NLGN1: variants seen among roughly 807,000 people sequenced by gnomAD.
NLGN1 encodes the protein neuroligin-1.
NLGN1 carries 12 observed loss-of-function variants against 65.5 expected under a neutral mutation model. The ratio of observed to expected loss-of-function variants is 0.18; its 90% CI spans 0.12 to 0.30. NLGN1 has a LOEUF of 0.30. Ranked by LOEUF, NLGN1 falls within the 10% of genes least tolerant of loss-of-function variation. NLGN1 has a pLI of 1.00. For missense variants in NLGN1, 750 were observed against 1,007.1 expected, an observed-to-expected ratio of 0.74 and a Z score of 3.46; for synonymous variants, 350 against 359.5, an observed-to-expected ratio of 0.97 and a Z score of 0.30.
At chr3:173,574,277 A>G (rs1160480147) in intron 2 of NLGN1, among the ~76,000 whole-genome samples, 2 of 151,912 alleles carry the variant, frequency 1.3e-5, no homozygotes, top group African/African-American at 4.8e-5. Context: ...GAATGCTGTC[A>G]ATAGAAATAC....
intron 4 of NLGN1, among the ~76,000 whole-genome samples, chr3:174,089,782 C>A (rs1020731716): frequency 6.6e-6 from 1 of 152,088 alleles, no homozygotes; most frequent in African/African-American, 2.4e-5. Context: ...CAATTAAGTT[C>A]AAGAAGTAAT....
At chr3:173,493,226 G>A (rs775681725) in intron 2 of NLGN1, among the ~76,000 whole-genome samples, 4 of 151,696 alleles carry the variant, frequency 2.6e-5, no homozygotes, top group Non-Finnish European at 5.9e-5. Flanking sequence ...CTATTGAGCC[G>A]CTTTTCTGAG....
chr3:174,205,007 A>T (rs892206393), intron 4 of NLGN1, among the ~76,000 whole-genome samples: 1 of 152,216 alleles, frequency 6.6e-6, no homozygotes, highest in Non-Finnish European at 1.5e-5. Context: ...TGATCACAGG[A>T]TCGTGAAGTC....
chr3:173,442,835 C>A (rs563370719), intron 2 of NLGN1, among the ~76,000 whole-genome samples: 1 of 152,040 alleles, frequency 6.6e-6, no homozygotes, highest in Non-Finnish European at 1.5e-5. Context: ...AAAATTTATA[C>A]TTCTGCCTGA....
chr3:173,717,838 CCTA>C (rs1203036722), intron 3 of NLGN1, among the ~76,000 whole-genome samples: 8 of 151,956 alleles, frequency 5.3e-5, no homozygotes, highest in African/African-American at 4.8e-5. Flanking sequence ...AATATATAAA[CCTA>C]CTATGTACCC....
At chr3:173,618,435 GAT>G (rs1372579395) in intron 3 of NLGN1, among the ~76,000 whole-genome samples, 1 of 152,050 alleles carries the variant, frequency 6.6e-6, no homozygotes, top group Non-Finnish European at 1.5e-5. Context: ...GACTGCAAGC[GAT>G]CCTCCTTCCT....
intron 4 of NLGN1, among the ~76,000 whole-genome samples, chr3:173,918,660 A>G (rs1328158954): frequency 5.4e-5 from 6 of 111,812 alleles, no homozygotes; most frequent in African/African-American, 6.9e-5. Context: ...AGAAATACAT[A>G]TGTGTGTGTG....
In NLGN1 at chr3:173,551,345, C is replaced by T. The variant is rs572535757; in HGVS notation, c.-320-52934C>T. Among the ~76,000 whole-genome samples, 3 of 152,280 alleles carry T rather than the reference C, an allele frequency of 2.0e-5. No individual in the cohort carries two copies. The South Asian group carries it at 6.2e-4, about 32-fold the overall frequency. On this transcript the variant is annotated intron_variant, in intron 2 of 6. Coordinates refer to ENST00000457714, the Ensembl canonical transcript of NLGN1. ...GTAAGCTACAGGCAGAAGCTAATAT[C>T]TGTATTATGGATTCTGCTAATATCT... is the stretch of plus-strand genomic sequence containing the variant.
chr3:173,439,687 A>T, intron 2 of NLGN1, among the ~76,000 whole-genome samples: 1 of 152,274 alleles, frequency 6.6e-6, no homozygotes. Flanking sequence ...ATTGTAGTCA[A>T]TTAAGCATGC....
At chr3:173,898,160 C>T (rs1481390227) in intron 4 of NLGN1, among the ~76,000 whole-genome samples, 4 of 152,118 alleles carry the variant, frequency 2.6e-5, no homozygotes, top group African/African-American at 9.7e-5. Flanking sequence ...GTGTTAAGAC[C>T]TTGAATTGTA....
intron 3 of NLGN1, among the ~76,000 whole-genome samples, chr3:173,762,060 A>C (rs1405801617): frequency 1.3e-5 from 2 of 152,132 alleles, no homozygotes; most frequent in Non-Finnish European, 2.9e-5. Flanking sequence ...AGCAATATTA[A>C]GGCATTATTC....
intron 2 of NLGN1, among the ~76,000 whole-genome samples, chr3:173,480,204 A>T (rs1330655331): frequency 6.6e-6 from 1 of 151,430 alleles, no homozygotes; most frequent in Non-Finnish European, 1.5e-5. Context: ...AAAACATGTG[A>T]TTCTCGGTGC....
At chr3:174,135,496 A>C (rs1721043409) in intron 4 of NLGN1, among the ~76,000 whole-genome samples, 1 of 152,166 alleles carries the variant, frequency 6.6e-6, no homozygotes, top group Non-Finnish European at 1.5e-5. Context: ...ATTCCTATTA[A>C]TAACACAGAT....
intron 2 of NLGN1, among the ~76,000 whole-genome samples, chr3:173,443,175 G>A (rs187947916): frequency 1.3e-5 from 2 of 151,626 alleles, no homozygotes; most frequent in African/African-American, 2.4e-5. Context: ...GGAATTGGAG[G>A]CTGCAGTAAC....
At chr3:174,234,248 T>A (rs9835562) in intron 4 of NLGN1, among the ~76,000 whole-genome samples, 1 of 151,628 alleles carries the variant, frequency 6.6e-6, no homozygotes, top group African/African-American at 2.4e-5. Context: ...GTACACTTGG[T>A]CAAGCAGGTG....
At chr3:173,409,922 T>C (rs2148645247) in intron 1 of NLGN1, among the ~76,000 whole-genome samples, 1 of 152,128 alleles carries the variant, frequency 6.6e-6, no homozygotes, top group Non-Finnish European at 1.5e-5. Context: ...TAGGGACCTG[T>C]AGGGGGGCCA....
In NLGN1 at chr3:174,218,853, T is replaced by C. The variant is rs79207831; in HGVS notation, c.647-56462T>C. 1.1e-3 allele frequency among the ~76,000 whole-genome samples: 165 copies of C among 152,208 alleles called. 1 individual carries two copies. The East Asian group carries it at 0.03, about 28-fold the overall frequency. On this transcript the variant is annotated intron_variant, in intron 4 of 6. Transcript: ENST00000457714. The stretch of plus-strand genomic sequence containing the variant: ...CCAGCTGACAGTAGCCCATTTTCTA[T>C]TGTTTGGGAGCATGTCTTGAGTTTC...
chr3:173,588,824 TC>T (rs897115573), intron 2 of NLGN1, among the ~76,000 whole-genome samples: 1 of 152,072 alleles, frequency 6.6e-6, no homozygotes, highest in African/African-American at 2.4e-5. Flanking sequence ...AACGTTCAAG[TC>T]CCCATATTTA....
chr3:174,029,748 G>T lies in NLGN1; in HGVS notation c.646+221916G>T, dbSNP rs1411853486. Among the ~76,000 whole-genome samples the T allele has an allele frequency of 2.6e-5, 4 of 152,246 alleles. No homozygotes were observed. In the East Asian group the frequency reaches 7.8e-4, roughly 30 times the overall value. Reference sequence around the variant, plus strand: ...CCAGGTGGAGATAATTGAATCATGGGAGTGGTTTCCCCCATGCTGTTCTCA... The same window carrying T: ...CCAGGTGGAGATAATTGAATCATGGTAGTGGTTTCCCCCATGCTGTTCTCA... On this transcript the variant is annotated intron_variant, in intron 4 of 6. Transcript: ENST00000457714.
Sources: allele counts gnomAD v4.1 joint callset (sites outside exome capture counted in the v4.1 genomes callset), GRCh38; gene constraint gnomAD v4.1.1; transcripts MANE v1.5; gene names NCBI Gene and HGNC (gene_info 2026-07-23, HGNC 2026-07-21).